SPECC1L: variants seen among roughly 807,000 people sequenced by gnomAD.
SPECC1L encodes the protein cytospin-A.
SPECC1L carries 40 observed loss-of-function variants against 116.8 expected under a neutral mutation model. The observed-to-expected ratio is 0.34, with a 90% CI of 0.27 to 0.45. The LOEUF (loss-of-function observed/expected upper bound fraction) is 0.45, where lower values mean the gene tolerates loss of function less well. Among genes scored for constraint, SPECC1L ranks in the 20% least tolerant of loss-of-function variants. The pLI is 1.00. For synonymous variants in SPECC1L, 504 were observed against 500.6 expected (o/e 1.01, Z -0.09); for missense variants, 1,110 against 1,373.6 (o/e 0.81, Z 3.03).
chr22:24,294,719 C>T (rs1252326352), intron 2 of SPECC1L, among the ~76,000 whole-genome samples: 1 of 152,006 alleles, frequency 6.6e-6, no homozygotes, highest in African/African-American at 2.4e-5. Context: ...TTTGAGTCCT[C>T]CTTGACTAGG....
At position 24,337,890 on chromosome 22, in the gene SPECC1L, C is replaced by T. The variant is rs534169163; in HGVS notation, c.2561-496C>T. 9.2e-5 allele frequency among the ~76,000 whole-genome samples: 14 copies of T among 152,256 alleles called. No individual in the cohort carries two copies. The South Asian group carries it at 2.7e-3, about 29-fold the overall frequency. ...TATGCCAACAAGTGATTCCACATCCCTGCATTAAATACAAATCAGAAAATA... is the reference window on the plus strand; with the variant it reads ...TATGCCAACAAGTGATTCCACATCCTTGCATTAAATACAAATCAGAAAATA... On this transcript the variant is annotated intron_variant, in intron 9 of 16. Transcript: ENST00000314328.
Position 24,414,699 on chromosome 22 carries a change from C to CG in SPECC1L, c.*77dup. ...CGAGCGACACCGACGCCATTAGCTA[C>CG]GCACCCCTGTAAAGCTTCCAGCAAC... On this transcript the variant is annotated 3_prime_UTR_variant, in exon 17 of 17. Transcript: ENST00000314328. 1 of 1,285,726 alleles carries CG rather than the reference C, an allele frequency of 7.8e-7. No individual in the cohort carries two copies. Among genetic ancestry groups the CG allele is most frequent in the South Asian group, 1.2e-5 (1 of 82,490 alleles). The allele number at this position is 1,285,726 out of a possible 1,614,324, so 79.6% of individuals were successfully genotyped here.
At chr22:24,336,584 G>T (rs985205080) in intron 9 of SPECC1L, among the ~76,000 whole-genome samples, 1 of 151,910 alleles carries the variant, frequency 6.6e-6, no homozygotes, top group Non-Finnish European at 1.5e-5. Context: ...TGTCTCTAAA[G>T]AATAAAATAT....
intron 2 of SPECC1L, among the ~76,000 whole-genome samples, chr22:24,291,986 C>G (rs561206921): frequency 2.6e-5 from 4 of 152,136 alleles, no homozygotes; most frequent in African/African-American, 9.6e-5. Flanking sequence ...GGAAAAGATT[C>G]TAATGGAGGT....
chr22:24,327,504 C>CA (rs2040854348), intron 6 of SPECC1L, among the ~76,000 whole-genome samples: 1 of 151,964 alleles, frequency 6.6e-6, no homozygotes, highest in African/African-American at 2.4e-5. Flanking sequence ...TTACATGTGT[C>CA]ATTGCAAGCA....
Position 24,383,821 on chromosome 22 carries a change from T to G in SPECC1L, c.3087+14501T>G, listed in dbSNP as rs1430705645. Among the ~76,000 whole-genome samples, 6 of 72,854 alleles carry G rather than the reference T, an allele frequency of 8.2e-5. 1 individual carries two copies. The highest frequency in any genetic ancestry group is 8.7e-5 in the Non-Finnish European group (3 of 34,520). The allele number at this position is 72,854 out of a possible 152,430, so 47.8% of individuals were successfully genotyped here. ...TTTTTTTTTTTTTTTTTTTTTTTTT[T>G]TTTTTTTTTTTAGTAGAGATGGGGT... On this transcript the variant is annotated intron_variant, in intron 14 of 16. Coordinates refer to ENST00000314328, the MANE Select transcript of SPECC1L (RefSeq NM_015330.6).
chr22:24,310,330 A>G (rs2000472), intron 3 of SPECC1L, among the ~76,000 whole-genome samples: 61,274 of 152,122 alleles, frequency 0.4, 13,560 homozygotes, highest in Admixed American at 0.53. Context: ...AGCCATGTGC[A>G]TATGTATTTT....
intron 11 of SPECC1L, among the ~76,000 whole-genome samples, chr22:24,355,024 T>C (rs2041501297): frequency 6.8e-6 from 1 of 147,786 alleles, no homozygotes; most frequent in Non-Finnish European, 1.5e-5. Flanking sequence ...CTCATGCCTG[T>C]AATCCCAGCA....
intron 10 of SPECC1L, among the ~76,000 whole-genome samples, chr22:24,343,314 CAA>C (rs1284205690): frequency 6.6e-6 from 1 of 152,124 alleles, no homozygotes; most frequent in African/African-American, 2.4e-5. Flanking sequence ...TATAAACATA[CAA>C]ACACCCTCAT....
chr22:24,401,827 C>T (rs755957230), intron 14 of SPECC1L, among the ~76,000 whole-genome samples: 1 of 152,138 alleles, frequency 6.6e-6, no homozygotes, highest in Non-Finnish European at 1.5e-5. Context: ...TCGTTCACAC[C>T]ACGTGAATGA....
chr22:24,375,706 G>C (rs1453239531), intron 14 of SPECC1L, among the ~76,000 whole-genome samples: 2 of 152,278 alleles, frequency 1.3e-5, no homozygotes, highest in Middle Eastern at 3.4e-3. Flanking sequence ...TGTAATCCCA[G>C]TACTTTGGGA....
Position 24,412,855 on chromosome 22 carries a change from G to A in SPECC1L, c.3264+148G>A. 3.7e-6 allele frequency: 3 copies of A among 815,654 alleles called. No individual in the cohort carries two copies. In the South Asian group the frequency reaches 4.3e-5, roughly 12 times the overall value. The allele number at this position is 815,654 out of a possible 1,614,324, so 50.5% of individuals were successfully genotyped here. A position where few individuals can be genotyped will look rare whatever the true frequency, so the allele number is the denominator to read the frequency against. On this transcript the variant is annotated intron_variant, in intron 16 of 16. Transcript: ENST00000314328. Reference sequence around the variant, plus strand: ...TGGGGTGCTCTGGGGCCAAGGGAGGGTCCCGTCAAGGGTGGGTGCAGATGT... The same window carrying A: ...TGGGGTGCTCTGGGGCCAAGGGAGGATCCCGTCAAGGGTGGGTGCAGATGT...
chr22:24,324,312 T>C lies in SPECC1L; in HGVS notation c.2031T>C (p.Asp677=). The change falls in exon 6 of 17, where the codon GAT becomes GAC. Residue 677 remains aspartate (D), a synonymous_variant. Transcript: ENST00000314328. ...TAGAAAAATTAAGATCAGACCTGGA[T>C]GAAAAAGAAACAGAAAGGAGTGACA... ...MTLEKLRSDL[D]EKETERSDMK... 1 of 1,614,000 alleles carries C rather than the reference T, an allele frequency of 6.2e-7. No homozygotes were observed. The highest frequency in any genetic ancestry group is 1.1e-5 in the South Asian group (1 of 91,078).
chr22:24,291,013 T>C (rs1210415636), intron 2 of SPECC1L, among the ~76,000 whole-genome samples: 2 of 152,164 alleles, frequency 1.3e-5, no homozygotes, highest in Non-Finnish European at 2.9e-5. Flanking sequence ...CCCTGAGTTA[T>C]AGTTTCCCTT....
rs2040885178 is a variant in SPECC1L at position 24,329,064 on chromosome 22, C to T, written c.2220+145C>T. 53 of 705,142 alleles carry T rather than the reference C, an allele frequency of 7.5e-5. 3 individuals carry two copies. In the South Asian group the frequency reaches 8.4e-4, roughly 11 times the overall value. The allele number at this position is 705,142 out of a possible 1,614,324, so 43.7% of individuals were successfully genotyped here. ...TTGGGCTTTGGGCAGAAAGCAAATG[C>T]TATCATTTCAAATTGGGATTGGTGC... On this transcript the variant is annotated intron_variant, in intron 7 of 16. Transcript: ENST00000314328.
At chr22:24,349,079 C>T (rs564037761) in intron 11 of SPECC1L, among the ~76,000 whole-genome samples, 32 of 151,898 alleles carry the variant, frequency 2.1e-4, no homozygotes, top group African/African-American at 7.5e-4. Flanking sequence ...CTCACTCTGT[C>T]GCCCAGGCTG....
At chr22:24,378,629 T>C (rs1001789094) in intron 14 of SPECC1L, among the ~76,000 whole-genome samples, 2 of 152,220 alleles carry the variant, frequency 1.3e-5, no homozygotes, top group African/African-American at 4.8e-5. Flanking sequence ...ATTGTAGGGT[T>C]ATTAATTGGC....
chr22:24,279,552 T>C (rs962041307), intron 2 of SPECC1L, among the ~76,000 whole-genome samples: 5 of 150,846 alleles, frequency 3.3e-5, no homozygotes, highest in African/African-American at 1.2e-4. Flanking sequence ...AAGTTAGAAA[T>C]GTACATTTTA....
intron 10 of SPECC1L, among the ~76,000 whole-genome samples, chr22:24,339,627 T>C (rs1184933237): frequency 6.6e-6 from 1 of 152,362 alleles, no homozygotes; most frequent in South Asian, 2.1e-4. Context: ...TATCCTGTGA[T>C]AAAGGGTAGC....
Sources: allele counts gnomAD v4.1 joint callset (sites outside exome capture counted in the v4.1 genomes callset), GRCh38; gene constraint gnomAD v4.1.1; transcripts MANE v1.5; gene names NCBI Gene and HGNC (gene_info 2026-07-23, HGNC 2026-07-21).